The following PTPRD variants were observed in gnomAD, a reference collection of about 807,000 sequenced individuals.
PTPRD encodes the protein receptor-type tyrosine-protein phosphatase delta.
PTPRD carries 34 observed loss-of-function variants against 214.5 expected under a neutral mutation model. The ratio of observed to expected loss-of-function variants is 0.16; its 90% CI spans 0.12 to 0.21. The LOEUF (loss-of-function observed/expected upper bound fraction) is 0.21. Among genes scored for constraint, PTPRD ranks in the 10% least tolerant of loss-of-function variants. PTPRD has a pLI of 1.00. For synonymous variants in PTPRD, 1,128 were observed against 845.7 expected (o/e 1.33, Z -5.79); for missense variants, 2,545 against 2,398.7 (o/e 1.06, Z -1.27).
intron 9 of PTPRD, among the ~76,000 whole-genome samples, chr9:9,358,709 C>T (rs962273596): frequency 1.3e-5 from 2 of 151,264 alleles, no homozygotes; most frequent in Admixed American, 6.6e-5. Flanking sequence ...AATGGTAGAA[C>T]TAAAAAGTAC....
At chr9:9,948,798 C>G (rs1409262409) in intron 4 of PTPRD, among the ~76,000 whole-genome samples, 1 of 151,828 alleles carries the variant, frequency 6.6e-6, no homozygotes, top group Non-Finnish European at 1.5e-5. Context: ...TAGATCTGAT[C>G]TCAACAGTAG....
chr9:8,947,282 T>C (rs12552071), intron 11 of PTPRD, among the ~76,000 whole-genome samples: 1 of 151,026 alleles, frequency 6.6e-6, no homozygotes. Context: ...GCTAACATGG[T>C]GAAAACCTGT....
At chr9:8,356,489 G>C (rs761577386) in intron 39 of PTPRD, among the ~76,000 whole-genome samples, 2 of 152,150 alleles carry the variant, frequency 1.3e-5, no homozygotes, top group African/African-American at 4.8e-5. Flanking sequence ...ATGCAGTCTA[G>C]TTCATGCAAT....
intron 7 of PTPRD, among the ~76,000 whole-genome samples, chr9:9,579,777 A>G (rs186350513): frequency 1.3e-5 from 2 of 152,276 alleles, no homozygotes; most frequent in East Asian, 3.9e-4. Context: ...TGGTGAAGTC[A>G]GGGCTTTTAG....
intron 11 of PTPRD, among the ~76,000 whole-genome samples, chr9:8,786,576 G>A (rs1055091016): frequency 2.0e-5 from 3 of 150,832 alleles, no homozygotes; most frequent in East Asian, 2.0e-4. Context: ...CACCACGCCC[G>A]GCTAATTTTT....
intron 14 of PTPRD, among the ~76,000 whole-genome samples, chr9:8,590,844 G>A (rs1357282625): frequency 2.0e-5 from 3 of 152,136 alleles, no homozygotes; most frequent in African/African-American, 2.4e-5. Flanking sequence ...TCACAAACTC[G>A]ATGGCTTAAA....
chr9:9,558,593 G>T (rs528942648), intron 8 of PTPRD, among the ~76,000 whole-genome samples: 1 of 152,288 alleles, frequency 6.6e-6, no homozygotes, highest in East Asian at 1.9e-4. Flanking sequence ...GAGCACGCAG[G>T]CCTGTTACAT....
chr9:9,238,239 T>C (rs1411137593), intron 9 of PTPRD, among the ~76,000 whole-genome samples: 1 of 152,008 alleles, frequency 6.6e-6, no homozygotes, highest in African/African-American at 2.4e-5. Context: ...CTCTGCTGTG[T>C]TTTGCATTGC....
chr9:10,252,601 T>C (rs2092886043), intron 3 of PTPRD, among the ~76,000 whole-genome samples: 1 of 152,124 alleles, frequency 6.6e-6, no homozygotes, highest in African/African-American at 2.4e-5. Context: ...TGATATTATA[T>C]ATTAATGAGT....
chr9:10,520,664 A>G (rs1477749816), intron 2 of PTPRD, among the ~76,000 whole-genome samples: 1 of 152,164 alleles, frequency 6.6e-6, no homozygotes, highest in Non-Finnish European at 1.5e-5. Context: ...TTCCAAGGAC[A>G]GGTTGACTCT....
chr9:9,797,511 A>G (rs1017340036), intron 5 of PTPRD, among the ~76,000 whole-genome samples: 1 of 152,120 alleles, frequency 6.6e-6, no homozygotes, highest in Non-Finnish European at 1.5e-5. Context: ...GAATAGAGTG[A>G]ATAATCCAAA....
At chr9:9,871,615 G>C (rs140575909) in intron 5 of PTPRD, among the ~76,000 whole-genome samples, 51 of 149,448 alleles carry the variant, frequency 3.4e-4, no homozygotes, top group African/African-American at 1.1e-3. Flanking sequence ...AGAAGTGCAG[G>C]GGCAGAGGGT....
intron 9 of PTPRD, among the ~76,000 whole-genome samples, chr9:9,352,333 G>A (rs912568038): frequency 2.2e-4 from 32 of 143,462 alleles, no homozygotes; most frequent in South Asian, 4.4e-4. Flanking sequence ...ATATATGTGT[G>A]TGTGTGTGTG....
intron 9 of PTPRD, among the ~76,000 whole-genome samples, chr9:9,242,674 C>T (rs2099970959): frequency 6.6e-6 from 1 of 152,138 alleles, no homozygotes; most frequent in South Asian, 2.1e-4. Context: ...GTTCTTGTGC[C>T]ATGGTTTTCA....
chr9:9,839,599 A>G (rs1218078695), intron 5 of PTPRD, among the ~76,000 whole-genome samples: 1 of 152,172 alleles, frequency 6.6e-6, no homozygotes, highest in Non-Finnish European at 1.5e-5. Context: ...GGTAGGAAGA[A>G]TCAATATCGT....
intron 3 of PTPRD, among the ~76,000 whole-genome samples, chr9:10,276,610 G>C (rs1486967763): frequency 1.3e-5 from 2 of 152,140 alleles, no homozygotes; most frequent in Non-Finnish European, 2.9e-5. Context: ...GAGTTTTAAA[G>C]CCTATAAAAT....
At chr9:10,215,137 C>A (rs1053197308) in intron 3 of PTPRD, among the ~76,000 whole-genome samples, 1 of 151,532 alleles carries the variant, frequency 6.6e-6, no homozygotes, top group African/African-American at 2.4e-5. Context: ...ATACTATTAT[C>A]GACAAAAATT....
At chr9:9,231,472 T>C (rs2099963061) in intron 9 of PTPRD, among the ~76,000 whole-genome samples, 1 of 152,184 alleles carries the variant, frequency 6.6e-6, no homozygotes. Context: ...TTAACAAAGT[T>C]TCATTTTGTG....
intron 10 of PTPRD, among the ~76,000 whole-genome samples, chr9:9,116,982 G>T (rs1035145621): frequency 1.3e-5 from 2 of 152,086 alleles, no homozygotes; most frequent in African/African-American, 2.4e-5. Flanking sequence ...AATGCTCAGG[G>T]TGTGTGTGTG....
Sources: gnomAD v4.1 joint callset for allele counts (sites outside exome capture counted in the v4.1 genomes callset) on GRCh38, gnomAD v4.1.1 for gene constraint, MANE v1.5 for transcripts, NCBI Gene and HGNC (gene_info 2026-07-23, HGNC 2026-07-21) for gene names.